Variants in QTMAN observed in about 807,000 individuals in gnomAD.
The protein encoded by QTMAN is queuosine-tRNA mannosyltransferase.
At chr2:144,231,874 G>GTGTGTC in the QTMAN span, among the ~76,000 whole-genome samples, 1 of 139,400 alleles carries the variant, frequency 7.2e-6, no homozygotes, top group Non-Finnish European at 1.6e-5. Context: ...GTGTGTGTGT[G>GTGTGTC]TGTGTGTGTG....
At chr2:144,144,344 C>T in the QTMAN span, among the ~76,000 whole-genome samples, 7 of 151,944 alleles carry the variant, frequency 4.6e-5, no homozygotes. Flanking sequence ...GATGTAACTT[C>T]CATTAACTTT....
the QTMAN span, among the ~76,000 whole-genome samples, chr2:144,061,529 A>G: frequency 1.3e-5 from 2 of 152,182 alleles, no homozygotes; most frequent in Admixed American, 1.3e-4. Context: ...GAAGATAATA[A>G]TATGTAACAA....
the QTMAN span, among the ~76,000 whole-genome samples, chr2:144,068,607 C>G: frequency 6.6e-6 from 1 of 152,172 alleles, no homozygotes; most frequent in Non-Finnish European, 1.5e-5. Flanking sequence ...TAAGGACACT[C>G]TATTTCATGT....
At chr2:143,994,868 T>C in the QTMAN span, among the ~76,000 whole-genome samples, 1 of 152,338 alleles carries the variant, frequency 6.6e-6, no homozygotes, top group South Asian at 2.1e-4. Context: ...ATATTTAAAG[T>C]GGGTAAATTT....
At chr2:144,217,454 G>A in the QTMAN span, among the ~76,000 whole-genome samples, 5 of 151,300 alleles carry the variant, frequency 3.3e-5, no homozygotes, top group African/African-American at 1.2e-4. Flanking sequence ...TATATAACAC[G>A]GTATATGTTT....
chr2:143,964,649 GAGA>G, the QTMAN span, among the ~76,000 whole-genome samples: 1 of 152,088 alleles, frequency 6.6e-6, no homozygotes, highest in Non-Finnish European at 1.5e-5. Flanking sequence ...CTGAGTGAAG[GAGA>G]AGATGGAAGT....
the QTMAN span, among the ~76,000 whole-genome samples, chr2:143,971,635 CTG>C: frequency 3.9e-5 from 6 of 152,038 alleles, no homozygotes; most frequent in African/African-American, 1.4e-4. Context: ...TTTAATTACA[CTG>C]TTTTAAATTA....
At chr2:144,322,557 C>T in the QTMAN span, among the ~76,000 whole-genome samples, 1 of 151,938 alleles carries the variant, frequency 6.6e-6, no homozygotes, top group Non-Finnish European at 1.5e-5. Context: ...TTGGTGTCTA[C>T]ATTCAATCTG....
At chr2:144,147,130 T>C in the QTMAN span, among the ~76,000 whole-genome samples, 1 of 151,832 alleles carries the variant, frequency 6.6e-6, no homozygotes, top group Non-Finnish European at 1.5e-5. Context: ...GATTACATAA[T>C]AAGTGCATAT....
the QTMAN span, among the ~76,000 whole-genome samples, chr2:143,975,623 A>C: frequency 6.6e-6 from 1 of 152,194 alleles, no homozygotes; most frequent in East Asian, 1.9e-4. Flanking sequence ...AGGACATTGG[A>C]CTACTTCTGG....
the QTMAN span, among the ~76,000 whole-genome samples, chr2:144,297,701 C>A: frequency 1.1e-4 from 16 of 151,534 alleles, no homozygotes; most frequent in Admixed American, 5.9e-4. Flanking sequence ...CTACCTCAGC[C>A]TCCTAAGTAG....
the QTMAN span, among the ~76,000 whole-genome samples, chr2:144,266,576 A>G: frequency 5.0e-4 from 76 of 152,378 alleles, 1 homozygote; most frequent in Non-Finnish European, 7.6e-4. Context: ...GGTTTTACAA[A>G]CATTAATCTA....
At chr2:144,019,592 C>T in the QTMAN span, among the ~76,000 whole-genome samples, 1 of 152,018 alleles carries the variant, frequency 6.6e-6, no homozygotes, top group Admixed American at 6.6e-5. Flanking sequence ...TGGAGCGAAA[C>T]TGAAAACAGA....
chr2:144,021,466 GAGAA>G, the QTMAN span, among the ~76,000 whole-genome samples: 1 of 152,126 alleles, frequency 6.6e-6, no homozygotes, highest in Non-Finnish European at 1.5e-5. Context: ...AACCAAGGAA[GAGAA>G]AGACACAGAA....
the QTMAN span, among the ~76,000 whole-genome samples, chr2:144,169,153 A>G: frequency 6.6e-6 from 1 of 152,138 alleles, no homozygotes; most frequent in Non-Finnish European, 1.5e-5. Flanking sequence ...ATCACCTGAG[A>G]GATTTAGAAA....
the QTMAN span, among the ~76,000 whole-genome samples, chr2:144,231,087 C>T: frequency 6.6e-6 from 1 of 152,024 alleles, no homozygotes; most frequent in Non-Finnish European, 1.5e-5. Context: ...TAAAACGTAT[C>T]AAAAATTAAG....
chr2:143,943,804 A>G, the QTMAN span: 1 of 152,186 alleles, frequency 6.6e-6, no homozygotes, highest in Non-Finnish European at 1.5e-5. Flanking sequence ...TTAAACCAGG[A>G]GCATTTTTAA....
chr2:143,985,039 T>C, the QTMAN span, among the ~76,000 whole-genome samples: 1 of 152,218 alleles, frequency 6.6e-6, no homozygotes, highest in Non-Finnish European at 1.5e-5. Flanking sequence ...TGGCAAATGC[T>C]AAAAGAGCAC....
the QTMAN span, among the ~76,000 whole-genome samples, chr2:144,235,378 A>G: frequency 1.9e-3 from 292 of 152,292 alleles, no homozygotes; most frequent in African/African-American, 6.3e-3. Context: ...ACCAAGGAAC[A>G]ATATGAGAGC....
Sources: gnomAD v4.1 joint callset for allele counts (sites outside exome capture counted in the v4.1 genomes callset) on GRCh38, gnomAD v4.1.1 for gene constraint, MANE v1.5 for transcripts, NCBI Gene and HGNC (gene_info 2026-07-23, HGNC 2026-07-21) for gene names.